Variants in CELF4 observed in about 807,000 individuals in gnomAD.
CELF4 encodes the protein CUG-BP- and ETR-3-like factor 4.
Under a neutral mutation model 59.9 loss-of-function variants are expected in CELF4, and 18 were observed. The observed-to-expected ratio is 0.30, with a 90% CI of 0.21 to 0.45. The LOEUF is 0.45. Among genes scored for constraint, CELF4 ranks in the 20% least tolerant of loss-of-function variants. The pLI is 1.00. For missense variants in CELF4, 456 were observed against 689.0 expected (o/e 0.66, Z 3.79); for synonymous variants, 261 against 267.1 (o/e 0.98, Z 0.22).
chr18:37,495,938 G>A (rs2099924717), intron 1 of CELF4, among the ~76,000 whole-genome samples: 1 of 152,120 alleles, frequency 6.6e-6, no homozygotes, highest in South Asian at 2.1e-4. Flanking sequence ...GCAAGGCAGT[G>A]GACCTATGAG....
chr18:37,431,301 C>G (rs1402500812), intron 2 of CELF4, among the ~76,000 whole-genome samples: 13 of 150,556 alleles, frequency 8.6e-5, no homozygotes, highest in Admixed American at 8.6e-4. Flanking sequence ...TCCTGGTGGG[C>G]TTATCATCTC....
intron 9 of CELF4, 73 bp downstream of exon 9, chr18:37,266,460 G>C (rs1454791349): frequency 1.4e-6 from 2 of 1,382,776 alleles, no homozygotes; most frequent in Non-Finnish European, 2.0e-6. Context: ...AGGCCTGAGG[G>C]GGCACTGGTG....
At chr18:37,301,418 C>T (rs1338258890) in intron 3 of CELF4, among the ~76,000 whole-genome samples, 1 of 152,156 alleles carries the variant, frequency 6.6e-6, no homozygotes, top group Non-Finnish European at 1.5e-5. Flanking sequence ...GCCCAGCATA[C>T]CCGGCAAAGA....
intron 7 of CELF4, among the ~76,000 whole-genome samples, chr18:37,272,261 C>T (rs2091608038): frequency 6.6e-6 from 1 of 152,116 alleles, no homozygotes; most frequent in African/African-American, 2.4e-5. Flanking sequence ...GGTGGCTGTC[C>T]TGTGCACTGT....
rs541897037 is a variant in CELF4 at position 37,347,377 on chromosome 18, A to C, written c.370-25496T>G. Reference sequence around the variant, plus strand: ...TGAAGCCGTGTCCCTCAATCAGGGGAACCCTGGGCCAATTATTCATTTATT... The same window carrying C: ...TGAAGCCGTGTCCCTCAATCAGGGGCACCCTGGGCCAATTATTCATTTATT... On this transcript the variant is annotated intron_variant, in intron 2 of 12. Coordinates refer to ENST00000420428, the MANE Select transcript of CELF4 (RefSeq NM_020180.4). 2.6e-5 allele frequency among the ~76,000 whole-genome samples: 4 copies of C among 152,156 alleles called. No individual in the cohort carries two copies. The East Asian group carries it at 7.8e-4, about 30-fold the overall frequency.
At chr18:37,284,332 C>T (rs1425236025) in intron 3 of CELF4, among the ~76,000 whole-genome samples, 2 of 151,982 alleles carry the variant, frequency 1.3e-5, no homozygotes, top group Non-Finnish European at 1.5e-5. Flanking sequence ...ACCCCTTCCT[C>T]CTCTCCCACC....
In CELF4 at chr18:37,548,737, G is replaced by A. The variant is rs370106713; in HGVS notation, c.286+16619C>T. Among the ~76,000 whole-genome samples the A allele has an allele frequency of 1.3e-3, 199 of 152,298 alleles. 4 individuals are homozygous for A. The South Asian group carries it at 0.038, about 29-fold the overall frequency. ...CAGGTGTTGCTGCAGTGATGTGAGA[G>A]CAGAAGGCCCAGGCTCTGAGCAAGG... On this transcript the variant is annotated intron_variant, in intron 1 of 12. Transcript: ENST00000420428.
chr18:37,321,901 G>A lies in CELF4; in HGVS notation c.370-20C>T, dbSNP rs1008922815. Reference sequence around the variant, plus strand: ...GTTCATCTGCAACAGAGCAGAGGGGGACAGCATTATAGCAGGCCTGCGGGT... The same window carrying A: ...GTTCATCTGCAACAGAGCAGAGGGGAACAGCATTATAGCAGGCCTGCGGGT... On this transcript the variant is annotated intron_variant, in intron 2 of 12. Transcript: ENST00000420428. The A allele has an allele frequency of 6.2e-7, 1 of 1,607,022 alleles. No homozygotes were observed. Among genetic ancestry groups the A allele is most frequent in the South Asian group, 1.1e-5 (1 of 90,252 alleles).
At chr18:37,403,410 C>T (rs572089940) in intron 2 of CELF4, among the ~76,000 whole-genome samples, 39 of 152,068 alleles carry the variant, frequency 2.6e-4, no homozygotes, top group Admixed American at 1.2e-3. Flanking sequence ...TCCATGGAGG[C>T]GAGGCCACCC....
chr18:37,386,329 G>A (rs565390409), intron 2 of CELF4, among the ~76,000 whole-genome samples: 2 of 152,364 alleles, frequency 1.3e-5, no homozygotes, highest in East Asian at 3.9e-4. Context: ...ACATCAGAAT[G>A]AGGTAAGTAA....
intron 3 of CELF4, among the ~76,000 whole-genome samples, chr18:37,287,097 G>T (rs1344323881): frequency 6.6e-6 from 1 of 152,208 alleles, no homozygotes; most frequent in African/African-American, 2.4e-5. Flanking sequence ...TCACCTGGAG[G>T]CTTCGACAAG....
intron 12 of CELF4, among the ~76,000 whole-genome samples, chr18:37,252,912 G>A (rs964166546): frequency 6.6e-6 from 1 of 151,936 alleles, no homozygotes; most frequent in Non-Finnish European, 1.5e-5. Context: ...AGGCCCGAAA[G>A]GAGCCTTCAC....
At chr18:37,525,507 T>C (rs973751698) in intron 1 of CELF4, among the ~76,000 whole-genome samples, 1 of 150,676 alleles carries the variant, frequency 6.6e-6, no homozygotes, top group South Asian at 2.1e-4. Flanking sequence ...AGGTTTGCGC[T>C]GTAGGGTGTA....
At chr18:37,307,864 C>T (rs554957810) in intron 3 of CELF4, among the ~76,000 whole-genome samples, 7 of 152,196 alleles carry the variant, frequency 4.6e-5, no homozygotes, top group South Asian at 4.2e-4. Context: ...AGTAGGGACC[C>T]GCTGGACAAA....
At chr18:37,449,791 G>A (rs557605192) in intron 2 of CELF4, among the ~76,000 whole-genome samples, 1 of 152,350 alleles carries the variant, frequency 6.6e-6, no homozygotes, top group Admixed American at 6.5e-5. Context: ...GGCATAGGCA[G>A]AGCACATGCA....
intron 1 of CELF4, among the ~76,000 whole-genome samples, chr18:37,491,041 G>C (rs1036904153): frequency 1.3e-5 from 2 of 152,042 alleles, no homozygotes; most frequent in African/African-American, 4.8e-5. Context: ...GGGGCAGAGA[G>C]GTGACAGAAC....
rs77650968 is a variant in CELF4 at position 37,298,101 on chromosome 18, A to G, written c.449-22858T>C. On this transcript the variant is annotated intron_variant, in intron 3 of 12. Coordinates refer to ENST00000420428, the MANE Select transcript of CELF4 (RefSeq NM_020180.4). The stretch of plus-strand genomic sequence containing the variant: ...GGGCTAAGGATTAAAGGTGTCTGCT[A>G]GAGTTAGGGTGAGAGGCCCAGGAGG... Among the ~76,000 whole-genome samples the G allele has an allele frequency of 5.0e-3, 765 of 152,320 alleles. 5 individuals are homozygous for G. Among genetic ancestry groups the G allele is most frequent in the African/African-American group, 0.018 (731 of 41,560 alleles).
intron 2 of CELF4, among the ~76,000 whole-genome samples, chr18:37,383,471 G>T (rs745881170): frequency 6.6e-6 from 1 of 152,224 alleles, no homozygotes; most frequent in African/African-American, 2.4e-5. Flanking sequence ...CAGTTAAAAT[G>T]AAAGTTTAAA....
At chr18:37,344,662 T>C (rs1371606365) in intron 2 of CELF4, among the ~76,000 whole-genome samples, 1 of 152,238 alleles carries the variant, frequency 6.6e-6, no homozygotes, top group Non-Finnish European at 1.5e-5. Context: ...CACAGCTTTC[T>C]GTATTTTTCA....
Sources: allele counts gnomAD v4.1 joint callset (sites outside exome capture counted in the v4.1 genomes callset), GRCh38; gene constraint gnomAD v4.1.1; transcripts MANE v1.5; gene names NCBI Gene and HGNC (gene_info 2026-07-23, HGNC 2026-07-21).